The following ECT2L variants were observed in gnomAD, a reference collection of about 807,000 sequenced individuals.
The protein encoded by ECT2L is epithelial cell-transforming sequence 2 oncogene-like.
A neutral mutation model predicts 122.8 loss-of-function variants in ECT2L; 126 were observed. The observed-to-expected ratio is 1.03, with a 90% CI of 0.89 to 1.19. ECT2L has a LOEUF of 1.19. Ranked by LOEUF, ECT2L falls within the 50% of genes most tolerant of loss-of-function variation. The pLI, the probability that ECT2L is intolerant of heterozygous loss-of-function variation, is 0.00. For missense variants in ECT2L, 1,012 were observed against 1,064.1 expected, an observed-to-expected ratio of 0.95 and a Z score of 0.68; for synonymous variants, 385 against 381.8, an observed-to-expected ratio of 1.01 and a Z score of -0.10.
intron 9 of ECT2L, among the ~76,000 whole-genome samples, chr6:138,853,776 C>T (rs1340754118): frequency 1.3e-5 from 2 of 152,186 alleles, no homozygotes; most frequent in Non-Finnish European, 2.9e-5. Flanking sequence ...TACCCTGCTG[C>T]ACAGTGGAGG....
At chr6:138,865,389 CTTATT>C (rs1778000345) in intron 12 of ECT2L, among the ~76,000 whole-genome samples, 1 of 152,148 alleles carries the variant, frequency 6.6e-6, no homozygotes, top group African/African-American at 2.4e-5. Context: ...GAAGCTCGTT[CTTATT>C]TTAACATTTT....
intron 4 of ECT2L, among the ~76,000 whole-genome samples, chr6:138,836,086 C>T (rs1243939111): frequency 6.6e-6 from 1 of 151,922 alleles, no homozygotes; most frequent in Admixed American, 6.6e-5. Context: ...TGGATCGCGT[C>T]GGGGGGCATA....
intron 18 of ECT2L, among the ~76,000 whole-genome samples, chr6:138,886,477 G>A (rs970618489): frequency 2.0e-5 from 3 of 151,168 alleles, no homozygotes; most frequent in Non-Finnish European, 4.4e-5. Context: ...GTGTGATCTC[G>A]GCTCACTGCA....
intron 10 of ECT2L, among the ~76,000 whole-genome samples, chr6:138,859,174 T>C (rs1777732176): frequency 6.6e-6 from 1 of 152,236 alleles, no homozygotes; most frequent in Non-Finnish European, 1.5e-5. Context: ...ACAGTATGTA[T>C]TCTCTGTCTG....
At position 138,810,619 on chromosome 6, in the gene ECT2L, T is replaced by A. The variant is rs181512870; in HGVS notation, c.-243-2219T>A. Among the ~76,000 whole-genome samples, 201 of 152,326 alleles carry A rather than the reference T, an allele frequency of 1.3e-3. 3 individuals carry two copies. Among genetic ancestry groups the A allele is most frequent in the Non-Finnish European group, 1.6e-3 (108 of 68,026 alleles). On this transcript the variant is annotated intron_variant, in intron 1 of 21. Coordinates refer to ENST00000541398, the MANE Select transcript of ECT2L (RefSeq NM_001077706.3). ...CATGGTCTAAAAGAGAATGTGATTGTTGGAGACAAAATGATCACTGCGCCC... is the reference window on the plus strand; with the variant it reads ...CATGGTCTAAAAGAGAATGTGATTGATGGAGACAAAATGATCACTGCGCCC...
At chr6:138,816,478 A>C (rs1197249227) in intron 4 of ECT2L, among the ~76,000 whole-genome samples, 1 of 151,936 alleles carries the variant, frequency 6.6e-6, no homozygotes, top group African/African-American at 2.4e-5. Flanking sequence ...TGTTAGTATA[A>C]ATTTCCTTTA....
At chr6:138,828,448 T>C (rs193097043) in intron 4 of ECT2L, among the ~76,000 whole-genome samples, 26 of 152,222 alleles carry the variant, frequency 1.7e-4, no homozygotes, top group Middle Eastern at 3.4e-3. Context: ...AAACTGGTAG[T>C]TTGGGGCCTG....
rs531870454 is a variant in ECT2L, at chr6:138,819,031, G to C, written c.179+4428G>C. On this transcript the variant is annotated intron_variant, in intron 4 of 21. Coordinates refer to ENST00000541398, the MANE Select transcript of ECT2L (RefSeq NM_001077706.3). ...GAGAGGAGAGGGGAGTATTCAAAGT[G>C]AAAGTGTACACTTGTATCTAAAACG... is the stretch of plus-strand genomic sequence containing the variant. Among the ~76,000 whole-genome samples the C allele has an allele frequency of 3.3e-5, 5 of 152,240 alleles. No homozygotes were observed. The East Asian group carries it at 7.7e-4, about 24-fold the overall frequency.
chr6:138,825,763 C>T (rs1168986152), intron 4 of ECT2L, among the ~76,000 whole-genome samples: 1 of 152,168 alleles, frequency 6.6e-6, no homozygotes, highest in African/African-American at 2.4e-5. Context: ...TTCAGTCACT[C>T]TCCTTATTGC....
intron 4 of ECT2L, among the ~76,000 whole-genome samples, chr6:138,834,935 A>ACACACACACACACACTCT (rs5880405): frequency 7.0e-5 from 10 of 142,868 alleles, no homozygotes; most frequent in Admixed American, 2.1e-4. Context: ...ACACACACAC[A>ACACACACACACACACTCT]CTCTCATTCT....
chr6:138,797,047 C>T (rs1396812776), intron 1 of ECT2L, among the ~76,000 whole-genome samples: 1 of 152,148 alleles, frequency 6.6e-6, no homozygotes, highest in African/African-American at 2.4e-5. Flanking sequence ...AGCACATCCA[C>T]CATTTGAAAA....
In ECT2L at chr6:138,868,015, A is replaced by G. The variant is rs534342948; in HGVS notation, c.1475-88A>G. ...ATTCTGTCTCAAAAAAAAAAAAAAAAAAAAGAAACTGTGAGGACTGAGTTG... is the reference window on the plus strand; with the variant it reads ...ATTCTGTCTCAAAAAAAAAAAAAAAGAAAAGAAACTGTGAGGACTGAGTTG... On this transcript the variant is annotated intron_variant, in intron 12 of 21. Coordinates refer to ENST00000541398, the MANE Select transcript of ECT2L (RefSeq NM_001077706.3). The G allele has an allele frequency of 2.0e-4, 165 of 834,200 alleles. 1 individual carries two copies. The South Asian group carries it at 3.0e-3, about 15-fold the overall frequency. The allele number at this position is 834,200 out of a possible 1,614,324, so 51.7% of individuals were successfully genotyped here.
At chr6:138,800,922 G>C (rs1160390518) in intron 1 of ECT2L, among the ~76,000 whole-genome samples, 1 of 151,920 alleles carries the variant, frequency 6.6e-6, no homozygotes, top group Non-Finnish European at 1.5e-5. Flanking sequence ...CTGCTTCCAA[G>C]ACGATGCCTT....
chr6:138,845,322 A>C (rs996493070), intron 7 of ECT2L, among the ~76,000 whole-genome samples: 2 of 151,322 alleles, frequency 1.3e-5, no homozygotes, highest in Non-Finnish European at 2.9e-5. Flanking sequence ...AGCTTACTGC[A>C]AACTCTGCCT....
At chr6:138,885,186 G>A (rs950708708) in intron 16 of ECT2L, among the ~76,000 whole-genome samples, 37 of 151,822 alleles carry the variant, frequency 2.4e-4, no homozygotes, top group African/African-American at 8.5e-4. Context: ...CCGCCACCAC[G>A]CCTGGCCAAT....
intron 14 of ECT2L, among the ~76,000 whole-genome samples, chr6:138,878,612 A>G (rs929430735): frequency 5.9e-5 from 9 of 151,938 alleles, no homozygotes; most frequent in Non-Finnish European, 1.0e-4. Flanking sequence ...ACACCCAGCT[A>G]ATTTTTGTAT....
At chr6:138,877,577 G>T (rs1310606154) in intron 14 of ECT2L, among the ~76,000 whole-genome samples, 1 of 152,142 alleles carries the variant, frequency 6.6e-6, no homozygotes, top group Non-Finnish European at 1.5e-5. Context: ...CAAGTAGGAT[G>T]CAGATGTATT....
At chr6:138,891,199 A>G (rs916343196) in intron 20 of ECT2L, among the ~76,000 whole-genome samples, 4 of 152,232 alleles carry the variant, frequency 2.6e-5, no homozygotes, top group African/African-American at 9.7e-5. Flanking sequence ...CCAAATTCTA[A>G]CCCAACTCTA....
intron 1 of ECT2L, among the ~76,000 whole-genome samples, chr6:138,809,396 G>A (rs1043634707): frequency 1.3e-5 from 2 of 152,316 alleles, no homozygotes; most frequent in Middle Eastern, 3.4e-3. Flanking sequence ...AGTCTGGGAG[G>A]TTGAGGCTGC....
Sources: allele counts gnomAD v4.1 joint callset (sites outside exome capture counted in the v4.1 genomes callset), GRCh38; gene constraint gnomAD v4.1.1; transcripts MANE v1.5; gene names NCBI Gene and HGNC (gene_info 2026-07-23, HGNC 2026-07-21).